SFXN5: variants seen among roughly 807,000 people sequenced by gnomAD.
The protein encoded by SFXN5 is sideroflexin-5.
In SFXN5, 43 loss-of-function variants were observed where a neutral mutation model predicts 50.2. That is an observed-to-expected ratio of 0.86 (90% CI 0.67 to 1.11). SFXN5 has a LOEUF of 1.11. Among genes scored for constraint, SFXN5 ranks in the 50% least tolerant of loss-of-function variants. The pLI is 0.00. For synonymous variants in SFXN5, 203 were observed against 185.8 expected, an observed-to-expected ratio of 1.09 and a Z score of -0.75; for missense variants, 463 against 454.1, an observed-to-expected ratio of 1.02 and a Z score of -0.18.
intron 13 of SFXN5, among the ~76,000 whole-genome samples, chr2:72,959,094 T>C (rs534530605): frequency 6.6e-6 from 1 of 151,864 alleles, no homozygotes; most frequent in South Asian, 2.1e-4. Context: ...AGCCCTCACC[T>C]CTCCTCCACC....
chr2:73,068,685 GGA>G (rs1483765966), intron 1 of SFXN5, among the ~76,000 whole-genome samples: 1 of 151,998 alleles, frequency 6.6e-6, no homozygotes, highest in Non-Finnish European at 1.5e-5. Context: ...GCTGAGCCTT[GGA>G]GAGTCAACAG....
At chr2:73,059,890 GGATA>G in intron 1 of SFXN5, 1 of 875,336 alleles carries the variant, frequency 1.1e-6, no homozygotes, top group Non-Finnish European at 1.4e-6. Flanking sequence ...TACATACCAA[GGATA>G]TTCACTGCTG....
chr2:73,039,942 C>T (rs1181098829), intron 3 of SFXN5, among the ~76,000 whole-genome samples: 2 of 151,966 alleles, frequency 1.3e-5, no homozygotes, highest in African/African-American at 4.8e-5. Flanking sequence ...TCATGAGTAG[C>T]TGGGATTACA....
chr2:72,943,556 G>A lies in SFXN5; in HGVS notation c.*1466C>T, dbSNP rs1671638598. 6.5e-6 allele frequency: 1 copy of A among 152,974 alleles called. No homozygotes were observed. The highest frequency in any genetic ancestry group is 1.5e-5 in the Non-Finnish European group (1 of 68,292). 9.5% of individuals were successfully genotyped at this position (152,974 alleles called of 1,614,324 possible). On this transcript the variant is annotated 3_prime_UTR_variant, in exon 14 of 14. Transcript: ENST00000272433. Reference sequence around the variant, plus strand: ...CCTGGTCTGCAAATGGGAGGGAGATGGGAGCCAGCAGCAAGGGGCCTCTGA... The same window carrying A: ...CCTGGTCTGCAAATGGGAGGGAGATAGGAGCCAGCAGCAAGGGGCCTCTGA...
intron 12 of SFXN5, among the ~76,000 whole-genome samples, chr2:72,966,942 T>C (rs1228507185): frequency 6.6e-6 from 1 of 152,166 alleles, no homozygotes; most frequent in Non-Finnish European, 1.5e-5. Flanking sequence ...AAATCTACTC[T>C]TCCCATTTCC....
chr2:73,059,802 T>G lies in SFXN5; in HGVS notation c.103-1206A>C. The G allele has an allele frequency of 7.1e-6, 7 of 980,204 alleles. 1 individual carries two copies. Among genetic ancestry groups the G allele is most frequent in the Non-Finnish European group, 8.5e-6 (7 of 826,386 alleles). The allele number at this position is 980,204 out of a possible 1,614,324, so 60.7% of individuals were successfully genotyped here. ...AGACATACATAAGGGAGGCTCACAA[T>G]GCTGTCCTGGCAAAATTTCACCTCT... On this transcript the variant is annotated intron_variant, in intron 1 of 13. Transcript: ENST00000272433.
At chr2:73,031,368 T>C (rs775269325) in intron 3 of SFXN5, among the ~76,000 whole-genome samples, 3 of 152,144 alleles carry the variant, frequency 2.0e-5, no homozygotes, top group Non-Finnish European at 2.9e-5. Flanking sequence ...CCCAAAGAGA[T>C]GGTAGAGAAA....
intron 5 of SFXN5, among the ~76,000 whole-genome samples, chr2:73,021,360 T>C (rs545852271): frequency 9.0e-4 from 137 of 152,278 alleles, no homozygotes; most frequent in African/African-American, 3.3e-3. Context: ...AGTGTGTGCC[T>C]GCAGTCCCAG....
rs571699597 is a variant in SFXN5 at position 72,960,067 on chromosome 2, C to T, written c.945+1064G>A. Among the ~76,000 whole-genome samples the T allele has an allele frequency of 1.5e-4, 23 of 152,212 alleles. No individual in the cohort carries two copies. Among genetic ancestry groups the T allele is most frequent in the East Asian group, 1.4e-3 (7 of 5,160 alleles). On this transcript the variant is annotated intron_variant, in intron 13 of 13. Transcript: ENST00000272433. The surrounding 1 kb of genome is among the most constrained non-coding windows in gnomAD (Gnocchi z 6.1). ...ATGGCCCGGATCTGCCCTCACCACC[C>T]TGGCTGCTTGTCTTTGGACCCCGCC...
intron 1 of SFXN5, chr2:73,059,065 C>G (rs1682526963): frequency 1.0e-6 from 1 of 994,286 alleles, no homozygotes; most frequent in Non-Finnish European, 1.2e-6. Context: ...TCCCCAAGGG[C>G]AGCTCAAGCC....
At chr2:73,038,546 T>C (rs1215209864) in intron 3 of SFXN5, among the ~76,000 whole-genome samples, 1 of 152,174 alleles carries the variant, frequency 6.6e-6, no homozygotes, top group Non-Finnish European at 1.5e-5. Flanking sequence ...GGAGGAACAC[T>C]TAAGCCTGAG....
intron 13 of SFXN5, among the ~76,000 whole-genome samples, chr2:72,946,167 C>G (rs1037174060): frequency 6.6e-6 from 1 of 151,788 alleles, no homozygotes; most frequent in Admixed American, 6.6e-5. Context: ...CATCCTCCCT[C>G]TCTCCCACCT....
intron 1 of SFXN5, among the ~76,000 whole-genome samples, chr2:73,060,961 G>A (rs975149263): frequency 7.9e-5 from 12 of 151,020 alleles, no homozygotes; most frequent in East Asian, 6.1e-4. Flanking sequence ...TCGGCCTCCC[G>A]AAGTGCTGGG....
intron 9 of SFXN5, among the ~76,000 whole-genome samples, chr2:72,990,194 A>G (rs1363653827): frequency 3.9e-5 from 6 of 152,168 alleles, no homozygotes; most frequent in Non-Finnish European, 2.9e-5. Context: ...TGGCATGCCC[A>G]CCCTGGGCTC....
At chr2:73,059,650 C>T (rs1682588812) in intron 1 of SFXN5, 2 of 885,482 alleles carry the variant, frequency 2.3e-6, no homozygotes, top group Non-Finnish European at 2.7e-6. Flanking sequence ...AACCTCTAAC[C>T]CCTAATGCCA....
Position 72,992,136 on chromosome 2 carries a change from G to T in SFXN5, c.535-3788C>A, listed in dbSNP as rs563865622. 4.4e-4 allele frequency among the ~76,000 whole-genome samples: 67 copies of T among 152,328 alleles called. No individual in the cohort carries two copies. The highest frequency in any genetic ancestry group is 1.6e-3 in the African/African-American group (65 of 41,580). On this transcript the variant is annotated intron_variant, in intron 9 of 13. Transcript: ENST00000272433. The surrounding 1 kb of genome is among the most constrained non-coding windows in gnomAD (Gnocchi z 4.5). ...GCCTTCTTGACCACCTATCTCCAAG[G>T]TCTGGCTACTGGGCCAGTGAATTTG...
intron 3 of SFXN5, among the ~76,000 whole-genome samples, chr2:73,039,746 G>T (rs1422282681): frequency 6.6e-6 from 1 of 151,868 alleles, no homozygotes; most frequent in African/African-American, 2.4e-5. Context: ...GGGAGGGATA[G>T]GGAACATATA....
At chr2:73,041,470 T>C (rs1436994500) in intron 2 of SFXN5, 1 of 195,272 alleles carries the variant, frequency 5.1e-6, no homozygotes, top group South Asian at 7.8e-5. Context: ...GGCGGGAAGA[T>C]CATGAGGTCA....
chr2:73,055,165 GAGA>G (rs1399294312), intron 2 of SFXN5, among the ~76,000 whole-genome samples: 11 of 152,392 alleles, frequency 7.2e-5, no homozygotes, highest in Admixed American at 3.3e-4. Flanking sequence ...TGTCAGCACA[GAGA>G]AGATGTGCAG....
Sources: allele counts gnomAD v4.1 joint callset (sites outside exome capture counted in the v4.1 genomes callset), GRCh38; gene constraint gnomAD v4.1.1; non-coding constraint Gnocchi (gnomAD v3.1); transcripts MANE v1.5; gene names NCBI Gene and HGNC (gene_info 2026-07-23, HGNC 2026-07-21).